Variants in FAM135A observed in about 807,000 individuals in gnomAD.
FAM135A encodes family with sequence similarity 135 member A.
A neutral mutation model predicts 146.8 loss-of-function variants in FAM135A; 79 were observed. The ratio of observed to expected loss-of-function variants is 0.54; its 90% CI spans 0.45 to 0.65. The LOEUF (loss-of-function observed/expected upper bound fraction) is 0.65. FAM135A is among the 30% of genes least tolerant of loss of function. The probability of loss-of-function intolerance (pLI) is 0.00; values close to 1 mark genes in which losing one functional copy is unlikely to be tolerated. For missense variants in FAM135A, 1,623 were observed against 1,758.2 expected (o/e 0.92, Z 1.38); for synonymous variants, 562 against 603.6 (o/e 0.93, Z 1.01).
At chr6:70,499,946 T>C (rs781367502) in intron 11 of FAM135A, among the ~76,000 whole-genome samples, 2 of 152,140 alleles carry the variant, frequency 1.3e-5, no homozygotes, top group South Asian at 4.1e-4. Context: ...ATCTGAAGAT[T>C]ATGTGTTCTT....
chr6:70,430,428 A>C (rs1179046559), intron 4 of FAM135A, among the ~76,000 whole-genome samples: 1 of 152,210 alleles, frequency 6.6e-6, no homozygotes, highest in African/African-American at 2.4e-5. Context: ...TGGCCAAGCA[A>C]GTCACAGTGC....
At chr6:70,447,974 C>G (rs1776189320) in intron 4 of FAM135A, among the ~76,000 whole-genome samples, 1 of 152,010 alleles carries the variant, frequency 6.6e-6, no homozygotes, top group South Asian at 2.1e-4. Flanking sequence ...AATATGCTTT[C>G]CCGAATTTAA....
chr6:70,534,531 C>G (rs1202223474), intron 18 of FAM135A, among the ~76,000 whole-genome samples: 2 of 151,750 alleles, frequency 1.3e-5, no homozygotes, highest in African/African-American at 2.4e-5. Context: ...AGGCTGGTCT[C>G]GAACTCCTGA....
Position 70,480,882 on chromosome 6 carries a change from G to GTAA in FAM135A, c.543-16_543-14dup, listed in dbSNP as rs1393346336. 1 of 1,599,654 alleles carries GTAA rather than the reference G, an allele frequency of 6.3e-7. No individual in the cohort carries two copies. The highest frequency in any genetic ancestry group is 1.1e-5 in the South Asian group (1 of 87,862). On this transcript the variant is annotated intron_variant, in intron 8 of 21. Transcript: ENST00000418814. ...AATAGACTCGTATGACAATAATAAT[G>GTAA]TAATACTTCTTCCTCCAGCTTTCCT...
intron 3 of FAM135A, among the ~76,000 whole-genome samples, chr6:70,427,555 A>T (rs1180499275): frequency 1.3e-5 from 2 of 151,974 alleles, no homozygotes; most frequent in Admixed American, 1.3e-4. Flanking sequence ...AAAAAAATTA[A>T]TATTGTAAAA....
intron 21 of FAM135A, 78 bp from the exon 22 acceptor site, chr6:70,559,636 CTT>C (rs1196108628): frequency 1.7e-5 from 20 of 1,174,130 alleles, no homozygotes; most frequent in African/African-American, 1.1e-4. Context: ...AATTTTATAA[CTT>C]ATCTAAAAAT....
intron 4 of FAM135A, among the ~76,000 whole-genome samples, chr6:70,440,531 AC>A: frequency 6.6e-6 from 1 of 152,280 alleles, no homozygotes; most frequent in Admixed American, 6.5e-5. Context: ...TACTAAAAAT[AC>A]AAAAAATTAG....
At chr6:70,528,831 C>T (rs1795237010) in intron 16 of FAM135A, among the ~76,000 whole-genome samples, 1 of 150,464 alleles carries the variant, frequency 6.6e-6, no homozygotes, top group Admixed American at 6.6e-5. Flanking sequence ...TGCTATCCCT[C>T]CCCTAGTCCC....
intron 2 of FAM135A, among the ~76,000 whole-genome samples, chr6:70,421,871 G>T (rs1768929078): frequency 6.6e-6 from 1 of 152,216 alleles, no homozygotes; most frequent in Non-Finnish European, 1.5e-5. Flanking sequence ...CCAGCAGACT[G>T]TGCAGGAGGG....
chr6:70,502,801 A>G lies in FAM135A; in HGVS notation c.1029+10A>G. On this transcript the variant is annotated intron_variant, in intron 12 of 21. Transcript: ENST00000418814. ...GCACCATACTTTGAGGGTAAGTTAA[A>G]GAGAAGTGATTTTAGAGCATTTTAA... is the stretch of plus-strand genomic sequence containing the variant. 1 of 1,600,952 alleles carries G rather than the reference A, an allele frequency of 6.2e-7. No homozygotes were observed. The highest frequency in any genetic ancestry group is 8.5e-7 in the Non-Finnish European group (1 of 1,174,034).
rs1794307191 is a variant in FAM135A, at chr6:70,524,652, A to G, written c.1568A>G (p.Tyr523Cys). The G allele has an allele frequency of 6.4e-7, 1 of 1,550,452 alleles. No individual in the cohort carries two copies. Among genetic ancestry groups the G allele is most frequent in the Non-Finnish European group, 8.7e-7 (1 of 1,146,572 alleles). Residue 523 changes from tyrosine (Y) to cysteine (C), a missense_variant, in exon 15 of 22, where the codon TAC becomes TGC. By Grantham distance (194) the Tyr-to-Cys change is radical (BLOSUM62 -2). Around this residue, in one of 7 missense-constraint regions of FAM135A, gnomAD observed 1,061 missense variants for 1,113.8 expected, o/e 0.95. Coordinates refer to ENST00000418814, the MANE Select transcript of FAM135A (RefSeq NM_001162529.3). ...NSKDSVVLVG[Y>C]KCLKSTASND... ...AAGGATTCTGTGGTTTTGGTAGGCT[A>G]CAAATGTTTGAAAAGTACAGCATCA...
Position 70,489,482 on chromosome 6 carries a change from G to A in FAM135A, c.824-1552G>A, listed in dbSNP as rs117082147. 3.4e-3 allele frequency among the ~76,000 whole-genome samples: 524 copies of A among 152,172 alleles called. 4 individuals carry two copies. The highest frequency in any genetic ancestry group is 5.5e-3 in the Non-Finnish European group (371 of 67,994). On this transcript the variant is annotated intron_variant, in intron 10 of 21. Transcript: ENST00000418814. ...CAGAGTATTTGTTGTTTATGTTACC[G>A]GGTGGGGTACAGCGTCCTTGATTCT...
intron 16 of FAM135A, among the ~76,000 whole-genome samples, chr6:70,529,866 T>G (rs575714630): frequency 1.3e-5 from 2 of 151,990 alleles, no homozygotes; most frequent in African/African-American, 4.8e-5. Context: ...ATCAAGACCA[T>G]CCTGGCTAAC....
At chr6:70,543,973 C>G (rs1798388687) in intron 20 of FAM135A, among the ~76,000 whole-genome samples, 1 of 152,082 alleles carries the variant, frequency 6.6e-6, no homozygotes. Flanking sequence ...CAAACACTGA[C>G]TAGGCTACCT....
chr6:70,498,060 T>G (rs939908496), intron 11 of FAM135A, among the ~76,000 whole-genome samples: 2 of 152,238 alleles, frequency 1.3e-5, no homozygotes, highest in African/African-American at 4.8e-5. Context: ...TACTAGCCCC[T>G]CTTTGTACCT....
chr6:70,517,996 A>G (rs188555888), intron 12 of FAM135A, among the ~76,000 whole-genome samples: 83 of 152,302 alleles, frequency 5.4e-4, no homozygotes, highest in African/African-American at 1.9e-3. Context: ...GAAAAGTTGC[A>G]AGTTTCTCAA....
intron 20 of FAM135A, among the ~76,000 whole-genome samples, chr6:70,553,832 A>G (rs1481128055): frequency 1.3e-5 from 2 of 152,248 alleles, no homozygotes; most frequent in East Asian, 3.8e-4. Context: ...AGAGAATAGC[A>G]GTGATACTGG....
intron 16 of FAM135A, among the ~76,000 whole-genome samples, chr6:70,532,093 G>T (rs1342012634): frequency 6.6e-6 from 1 of 151,332 alleles, no homozygotes; most frequent in African/African-American, 2.4e-5. Flanking sequence ...AGCCAGGCTG[G>T]TCTTGATCTC....
intron 6 of FAM135A, 45 bp from the exon 7 acceptor site, chr6:70,475,618 T>C (rs754010288): frequency 1.3e-6 from 2 of 1,587,834 alleles, no homozygotes; most frequent in South Asian, 2.3e-5. Context: ...TTTCTAACTT[T>C]CTATAAAATT....
Sources: gnomAD v4.1 joint callset for allele counts (sites outside exome capture counted in the v4.1 genomes callset) on GRCh38, gnomAD v4.1.1 for gene constraint, gnomAD v4.1.1 regional missense constraint, MANE v1.5 for transcripts, NCBI Gene and HGNC (gene_info 2026-07-23, HGNC 2026-07-21) for gene names.